Variants in MCUB observed in about 807,000 individuals in gnomAD.
The protein encoded by MCUB is calcium uniporter regulatory subunit MCUb, mitochondrial.
MCUB carries 46 observed loss-of-function variants against 41.4 expected under a neutral mutation model. That is an observed-to-expected ratio of 1.11 (90% CI 0.88 to 1.42). MCUB has a LOEUF of 1.42. Ranked by LOEUF, MCUB falls within the 40% of genes most tolerant of loss-of-function variation. The pLI is 0.00. For missense variants in MCUB, 403 were observed against 404.9 expected (o/e 1.00, Z 0.04); for synonymous variants, 148 against 148.2 (o/e 1.00, Z 0.01).
At chr4:109,653,406 C>T (rs758399576) in intron 1 of MCUB, among the ~76,000 whole-genome samples, 11 of 151,910 alleles carry the variant, frequency 7.2e-5, no homozygotes, top group Non-Finnish European at 1.5e-4. Flanking sequence ...AAAGAACTGC[C>T]AAATGTTTTC....
intron 4 of MCUB, chr4:109,673,696 T>C (rs1579094561): frequency 2.1e-6 from 1 of 486,704 alleles, no homozygotes; most frequent in African/African-American, 2.0e-5. Context: ...ATTGCAAATG[T>C]GGATTTGAAA....
intron 5 of MCUB, among the ~76,000 whole-genome samples, chr4:109,683,517 CCACA>C (rs1379791891): frequency 6.6e-6 from 1 of 152,170 alleles, no homozygotes. Context: ...ACCCTGTCCT[CCACA>C]CAGTTACTAT....
At chr4:109,642,350 C>T (rs528705622) in intron 1 of MCUB, among the ~76,000 whole-genome samples, 60 of 152,254 alleles carry the variant, frequency 3.9e-4, no homozygotes, top group African/African-American at 1.4e-3. Context: ...ATGGAAAGGG[C>T]AAATCGTAGC....
At chr4:109,676,271 A>C (rs184288449) in intron 4 of MCUB, among the ~76,000 whole-genome samples, 1 of 152,098 alleles carries the variant, frequency 6.6e-6, no homozygotes, top group Admixed American at 6.5e-5. Flanking sequence ...GGGTGTGGTG[A>C]CTCGCACCTA....
chr4:109,682,459 A>T, intron 4 of MCUB, 123 bp from the exon 5 acceptor site: 1 of 754,112 alleles, frequency 1.3e-6, no homozygotes, highest in Non-Finnish European at 2.2e-6. Context: ...ATGTTTGTAC[A>T]CCAGCTTCCT....
At chr4:109,608,344 T>C (rs1328938399) in intron 1 of MCUB, among the ~76,000 whole-genome samples, 1 of 152,006 alleles carries the variant, frequency 6.6e-6, no homozygotes, top group Non-Finnish European at 1.5e-5. Context: ...TATTTTGAGA[T>C]ACCTGTCTGA....
intron 1 of MCUB, among the ~76,000 whole-genome samples, chr4:109,567,844 G>T (rs182853482): frequency 6.6e-6 from 1 of 151,966 alleles, no homozygotes; most frequent in South Asian, 2.1e-4. Flanking sequence ...GACTACAGCC[G>T]CCCGCCACCA....
intron 1 of MCUB, among the ~76,000 whole-genome samples, chr4:109,568,439 CTCT>C (rs1418135824): frequency 3.9e-5 from 6 of 152,242 alleles, no homozygotes; most frequent in East Asian, 1.9e-4. Flanking sequence ...GAGCTAATTC[CTCT>C]TCTTCTTGTG....
chr4:109,685,191 G>T, intron 6 of MCUB, 60 bp from the exon 7 acceptor site: 1 of 729,964 alleles, frequency 1.4e-6, no homozygotes, highest in Non-Finnish European at 2.4e-6. Context: ...TATCTTTCTT[G>T]CAGAGGCATT....
intron 4 of MCUB, among the ~76,000 whole-genome samples, chr4:109,681,997 C>T (rs532896622): frequency 2.0e-5 from 3 of 152,218 alleles, no homozygotes; most frequent in Non-Finnish European, 4.4e-5. Flanking sequence ...TTGTCCTTCC[C>T]GCTGTGCTCT....
In MCUB at chr4:109,612,915, G is replaced by A. The variant is rs1485494770; in HGVS notation, c.100-46096G>A. Among the ~76,000 whole-genome samples, 4 of 152,102 alleles carry A rather than the reference G, an allele frequency of 2.6e-5. No individual in the cohort carries two copies. The East Asian group carries it at 7.7e-4, about 29-fold the overall frequency. ...AGGTCAGGAGATCAAGACCATCCTGGCTAACACGGTGAAATCCCGTCTCTA... is the reference window on the plus strand; with the variant it reads ...AGGTCAGGAGATCAAGACCATCCTGACTAACACGGTGAAATCCCGTCTCTA... On this transcript the variant is annotated intron_variant, in intron 1 of 7. Coordinates refer to ENST00000394650, the MANE Select transcript of MCUB (RefSeq NM_017918.5).
intron 4 of MCUB, among the ~76,000 whole-genome samples, chr4:109,679,184 A>G (rs111695737): frequency 0.65 from 96,990 of 149,430 alleles, 32,736 homozygotes; most frequent in African/African-American, 0.87. Context: ...GGGCAGAGGC[A>G]CTCCTCACAT....
intron 1 of MCUB, among the ~76,000 whole-genome samples, chr4:109,643,545 C>T (rs947693919): frequency 2.0e-5 from 3 of 151,714 alleles, no homozygotes; most frequent in Non-Finnish European, 2.9e-5. Flanking sequence ...ACTCTCGTCT[C>T]CCAGGCTGGA....
intron 1 of MCUB, among the ~76,000 whole-genome samples, chr4:109,622,806 T>C (rs765025235): frequency 4.6e-5 from 7 of 152,200 alleles, no homozygotes; most frequent in African/African-American, 7.2e-5. Context: ...ACTTTGAATT[T>C]TGATCTGTTC....
chr4:109,625,601 A>G (rs976427897), intron 1 of MCUB, among the ~76,000 whole-genome samples: 4 of 152,234 alleles, frequency 2.6e-5, no homozygotes, highest in East Asian at 3.8e-4. Flanking sequence ...TCAGCTTATG[A>G]TATTTTCAAC....
rs142677156 is a variant in MCUB, at chr4:109,680,632, A to G, written c.452-1950A>G. Among the ~76,000 whole-genome samples, 568 of 152,202 alleles carry G rather than the reference A, an allele frequency of 3.7e-3. 17 individuals are homozygous for G. The South Asian group carries it at 0.059, about 16-fold the overall frequency. On this transcript the variant is annotated intron_variant, in intron 4 of 7. Transcript: ENST00000394650. Reference sequence around the variant, plus strand: ...GCCTAAAAGAGAACACCTAGCTTTCACCCCTCTGTGGCAGCTATAGCCTAG... The same window carrying G: ...GCCTAAAAGAGAACACCTAGCTTTCGCCCCTCTGTGGCAGCTATAGCCTAG...
intron 1 of MCUB, among the ~76,000 whole-genome samples, chr4:109,617,338 A>G (rs1728151477): frequency 6.6e-6 from 1 of 152,166 alleles, no homozygotes; most frequent in Non-Finnish European, 1.5e-5. Context: ...CTGACCTTGT[A>G]TACTACACGT....
chr4:109,685,112 CTCT>C lies in MCUB; in HGVS notation c.817-138_817-136del. ...AATGTTTTGTGTTGGCTTATGCTTA[CTCT>C]CATGGCCATTGCAAATATTTCACTC... On this transcript the variant is annotated intron_variant, in intron 6 of 7. Coordinates refer to ENST00000394650, the MANE Select transcript of MCUB (RefSeq NM_017918.5). 5.4e-6 allele frequency: 3 copies of C among 550,708 alleles called. No homozygotes were observed. In the South Asian group the frequency reaches 8.4e-5, roughly 15 times the overall value. The allele number at this position is 550,708 out of a possible 1,614,324, so 34.1% of individuals were successfully genotyped here.
intron 1 of MCUB, among the ~76,000 whole-genome samples, chr4:109,573,694 C>T (rs1205581331): frequency 1.3e-5 from 2 of 151,968 alleles, no homozygotes; most frequent in African/African-American, 4.8e-5. Context: ...AGAAACAGTT[C>T]CATTTCATTA....
Sources: gnomAD v4.1 joint callset for allele counts (sites outside exome capture counted in the v4.1 genomes callset) on GRCh38, gnomAD v4.1.1 for gene constraint, MANE v1.5 for transcripts, NCBI Gene and HGNC (gene_info 2026-07-23, HGNC 2026-07-21) for gene names.